Variants in SPMIP11 observed in about 807,000 individuals in gnomAD.
SPMIP11 encodes the protein sperm microtubule inner protein 11.
the SPMIP11 span, among the ~76,000 whole-genome samples, chr12:48,764,279 G>A: frequency 2.1e-3 from 320 of 152,122 alleles, 2 homozygotes; most frequent in African/African-American, 7.2e-3. Flanking sequence ...GTGAGCCACC[G>A]TGCCCAGCCC....
chr12:48,770,298 CAAAT>C, the SPMIP11 span, among the ~76,000 whole-genome samples: 2 of 152,036 alleles, frequency 1.3e-5, no homozygotes, highest in Non-Finnish European at 2.9e-5. Context: ...GAAGACTTCT[CAAAT>C]AAGCCAGTAA....
the SPMIP11 span, among the ~76,000 whole-genome samples, chr12:48,763,053 G>A: frequency 5.9e-5 from 9 of 152,120 alleles, no homozygotes; most frequent in South Asian, 2.1e-4. Context: ...AACTGTATGT[G>A]AACCTATAAT....
At chr12:48,731,261 C>G in the SPMIP11 span, among the ~76,000 whole-genome samples, 45,331 of 151,988 alleles carry the variant, frequency 0.3, 7,360 homozygotes, top group Middle Eastern at 0.35. Flanking sequence ...GGAAGGCCAA[C>G]GTGGGCGGAT....
At chr12:48,763,566 A>T in the SPMIP11 span, among the ~76,000 whole-genome samples, 1 of 152,216 alleles carries the variant, frequency 6.6e-6, no homozygotes. Context: ...ATTTTAAAAA[A>T]ATTATTATAA....
the SPMIP11 span, among the ~76,000 whole-genome samples, chr12:48,744,109 A>C: frequency 7.0e-6 from 1 of 143,610 alleles, no homozygotes; most frequent in Non-Finnish European, 1.5e-5. Context: ...ATAGCCGGGC[A>C]TGGTGGAGCA....
the SPMIP11 span, among the ~76,000 whole-genome samples, chr12:48,750,149 T>C: frequency 6.6e-6 from 1 of 151,840 alleles, no homozygotes; most frequent in Non-Finnish European, 1.5e-5. Context: ...TTTAGGAGTT[T>C]TAGACCAGCC....
the SPMIP11 span, among the ~76,000 whole-genome samples, chr12:48,736,703 T>TG: frequency 6.6e-6 from 1 of 151,742 alleles, no homozygotes; most frequent in Non-Finnish European, 1.5e-5. Flanking sequence ...TCGCATGTTT[T>TG]TTTTTTTTTC....
chr12:48,727,715 T>C, the SPMIP11 span, among the ~76,000 whole-genome samples: 1 of 152,180 alleles, frequency 6.6e-6, no homozygotes. Context: ...AGGGACAATA[T>C]CCTTTCAGCT....
chr12:48,768,567 A>C, the SPMIP11 span: 7 of 1,613,936 alleles, frequency 4.3e-6, no homozygotes, highest in East Asian at 2.2e-5. Flanking sequence ...TGGTCCCTTC[A>C]GCTGAATTTG....
chr12:48,735,141 G>A, the SPMIP11 span, among the ~76,000 whole-genome samples: 1 of 152,024 alleles, frequency 6.6e-6, no homozygotes, highest in Admixed American at 6.6e-5. Flanking sequence ...TAACCACCAG[G>A]AGCTAAATTC....
the SPMIP11 span, among the ~76,000 whole-genome samples, chr12:48,733,083 T>TTG: frequency 6.7e-6 from 1 of 149,228 alleles, no homozygotes; most frequent in African/African-American, 2.5e-5. Context: ...TTTTTTTTTT[T>TTG]TTTTTTTTTT....
the SPMIP11 span, among the ~76,000 whole-genome samples, chr12:48,745,287 AAAG>A: frequency 6.6e-6 from 1 of 151,986 alleles, no homozygotes; most frequent in Non-Finnish European, 1.5e-5. Context: ...CAAAAAAAAA[AAAG>A]AGAATAAAAA....
At chr12:48,730,981 TA>T in the SPMIP11 span, among the ~76,000 whole-genome samples, 1 of 152,160 alleles carries the variant, frequency 6.6e-6, no homozygotes, top group Non-Finnish European at 1.5e-5. Flanking sequence ...TCAAAGAGGT[TA>T]ACTTACTTAT....
the SPMIP11 span, among the ~76,000 whole-genome samples, chr12:48,761,584 C>T: frequency 1.3e-5 from 2 of 150,258 alleles, no homozygotes; most frequent in African/African-American, 4.9e-5. Context: ...TGCACTCCAG[C>T]CTGGGCAACA....
At chr12:48,742,788 G>A in the SPMIP11 span, among the ~76,000 whole-genome samples, 1 of 151,952 alleles carries the variant, frequency 6.6e-6, no homozygotes, top group African/African-American at 2.4e-5. Flanking sequence ...AGGAGGCTGA[G>A]GCAGGAGGAT....
chr12:48,770,893 C>T, the SPMIP11 span: 1 of 1,614,142 alleles, frequency 6.2e-7, no homozygotes, highest in African/African-American at 1.3e-5. Flanking sequence ...TGCTGGCGTT[C>T]AGCCCTGAGG....
At chr12:48,750,899 C>G in the SPMIP11 span, among the ~76,000 whole-genome samples, 2 of 152,206 alleles carry the variant, frequency 1.3e-5, no homozygotes, top group Non-Finnish European at 2.9e-5. Context: ...TTCTGTCCAT[C>G]TGGTTTTAGC....
chr12:48,765,941 G>A, the SPMIP11 span, among the ~76,000 whole-genome samples: 6 of 152,140 alleles, frequency 3.9e-5, no homozygotes, highest in East Asian at 1.9e-4. Context: ...GGAAAGAACC[G>A]CCGGCTTCAT....
At chr12:48,749,032 C>CG in the SPMIP11 span, among the ~76,000 whole-genome samples, 1 of 152,108 alleles carries the variant, frequency 6.6e-6, no homozygotes, top group African/African-American at 2.4e-5. Flanking sequence ...GAGGCCAAGG[C>CG]GGGTGGATCA....
Sources: gnomAD v4.1 joint callset for allele counts (sites outside exome capture counted in the v4.1 genomes callset) on GRCh38, gnomAD v4.1.1 for gene constraint, MANE v1.5 for transcripts, NCBI Gene and HGNC (gene_info 2026-07-23, HGNC 2026-07-21) for gene names.